Variants in SLIT3 observed in about 807,000 individuals in gnomAD.
The protein encoded by SLIT3 is slit homolog 3 protein.
A neutral mutation model predicts 184.0 loss-of-function variants in SLIT3; 68 were observed. The ratio of observed to expected loss-of-function variants is 0.37; its 90% CI spans 0.30 to 0.45. The LOEUF (loss-of-function observed/expected upper bound fraction) is 0.45, where lower values mean the gene tolerates loss of function less well. Among genes scored for constraint, SLIT3 ranks in the 20% least tolerant of loss-of-function variants. The probability of loss-of-function intolerance (pLI) is 1.00; values close to 1 mark genes in which losing one functional copy is unlikely to be tolerated. For synonymous variants in SLIT3, 831 were observed against 828.6 expected, an observed-to-expected ratio of 1.00 and a Z score of -0.05; for missense variants, 1,707 against 2,026.0, an observed-to-expected ratio of 0.84 and a Z score of 3.02.
At chr5:169,023,789 CA>C (rs1756698782) in intron 4 of SLIT3, 1 of 152,080 alleles carries the variant, frequency 6.6e-6, no homozygotes, top group Admixed American at 6.5e-5. Context: ...GGCACAGGGT[CA>C]GGGGTTGAGT....
At chr5:168,945,104 T>G (rs764251376) in intron 4 of SLIT3, among the ~76,000 whole-genome samples, 1 of 152,180 alleles carries the variant, frequency 6.6e-6, no homozygotes, top group Admixed American at 6.5e-5. Flanking sequence ...GGAAAGGGAA[T>G]GGGACCCTGC....
In SLIT3 at chr5:168,798,220, CTTCTTTT is replaced by C. The variant is rs1433687977; in HGVS notation, c.936-2649_936-2643del. Among the ~76,000 whole-genome samples, 22 of 112,262 alleles carry C rather than the reference CTTCTTTT, an allele frequency of 2.0e-4. 2 individuals are homozygous for C. The highest frequency in any genetic ancestry group is 8.7e-4 in the African/African-American group (21 of 24,098). The allele number at this position is 112,262 out of a possible 152,430, so 73.6% of individuals were successfully genotyped here. On this transcript the variant is annotated intron_variant, in intron 9 of 35. Transcript: ENST00000519560. ...CTTTTGGTTTTCTTTTCTTCTTCTTCTTCTTTTTTTTTTTTTTTTAAGAGACAGAGTC... is the reference window on the plus strand; with the variant it reads ...CTTTTGGTTTTCTTTTCTTCTTCTTCTTTTTTTTTTTTAAGAGACAGAGTC...
chr5:169,148,407 A>G (rs1389395621), intron 4 of SLIT3, among the ~76,000 whole-genome samples: 1 of 152,258 alleles, frequency 6.6e-6, no homozygotes, highest in Non-Finnish European at 1.5e-5. Flanking sequence ...CAGAAAAAAC[A>G]GAATAGCCTG....
intron 23 of SLIT3, among the ~76,000 whole-genome samples, chr5:168,715,754 C>A (rs1161372165): frequency 1.3e-5 from 2 of 152,082 alleles, no homozygotes; most frequent in African/African-American, 2.4e-5. Context: ...CCCACTGCAA[C>A]TTTTGCCTCT....
intron 3 of SLIT3, among the ~76,000 whole-genome samples, chr5:169,201,164 C>T (rs1019952818): frequency 1.3e-5 from 2 of 152,204 alleles, no homozygotes; most frequent in East Asian, 3.8e-4. Context: ...GACATTTAGG[C>T]TGGCTTACAT....
intron 7 of SLIT3, among the ~76,000 whole-genome samples, chr5:168,817,689 A>AT (rs943228816): frequency 2.2e-4 from 33 of 152,186 alleles, no homozygotes; most frequent in African/African-American, 8.0e-4. Context: ...AGCAAAGCTC[A>AT]TTTTTTAATA....
intron 18 of SLIT3, chr5:168,752,351 C>T (rs1337390888): frequency 6.5e-6 from 1 of 153,358 alleles, no homozygotes; most frequent in Non-Finnish European, 1.4e-5. Flanking sequence ...ACTTACCTTC[C>T]AGAATACAGC....
chr5:169,117,398 A>G (rs1428081876), intron 4 of SLIT3, among the ~76,000 whole-genome samples: 1 of 151,966 alleles, frequency 6.6e-6, no homozygotes, highest in Non-Finnish European at 1.5e-5. Context: ...ATTACTGTGC[A>G]TGTTCTCCCC....
intron 4 of SLIT3, among the ~76,000 whole-genome samples, chr5:169,147,315 C>T (rs6868700): frequency 1.4e-3 from 220 of 152,328 alleles, no homozygotes; most frequent in African/African-American, 5.1e-3. Context: ...CTTGCCCAGG[C>T]TGGAGTGCAA....
intron 9 of SLIT3, among the ~76,000 whole-genome samples, chr5:168,805,838 T>G (rs1161161405): frequency 1.3e-5 from 2 of 152,148 alleles, no homozygotes; most frequent in East Asian, 1.9e-4. Context: ...TTTTACAGAG[T>G]ACCTGCCCAT....
chr5:168,877,060 G>C (rs1475780992), intron 5 of SLIT3, among the ~76,000 whole-genome samples: 1 of 152,136 alleles, frequency 6.6e-6, no homozygotes, highest in Non-Finnish European at 1.5e-5. Context: ...GAACCATTTG[G>C]GTACTGGGGA....
In SLIT3 at chr5:169,300,547, C is replaced by A; in HGVS notation, c.163G>T (p.Val55Phe). ...GCGTTGCGGGGGATGCCCCGAGGAA[C>A]CGCGCGGAGGCCCAGCCCGTGGCAG... is the stretch of plus-strand genomic sequence containing the variant. ...VDCHGLGLRA[V>F]PRGIPRNAER... The change falls in exon 1 of 36, where the codon GTT becomes TTT. Residue 55 changes from valine (V) to phenylalanine (F), a missense_variant. Val to Phe is a conservative substitution (Grantham distance 50). Transcript: ENST00000519560. The surrounding 1 kb of genome is among the most constrained non-coding windows in gnomAD (Gnocchi z 4.1). The A allele has an allele frequency of 6.6e-7, 1 of 1,510,222 alleles. No individual in the cohort carries two copies. The highest frequency in any genetic ancestry group is 1.2e-5 in the South Asian group (1 of 81,296). The allele number at this position is 1,510,222 out of a possible 1,614,324, so 93.6% of individuals were successfully genotyped here.
At chr5:168,794,627 TCAC>T (rs1756502272) in intron 10 of SLIT3, among the ~76,000 whole-genome samples, 2 of 152,092 alleles carry the variant, frequency 1.3e-5, no homozygotes, top group African/African-American at 4.8e-5. Flanking sequence ...TAGGGGGTGC[TCAC>T]ATGTTGACCA....
At chr5:168,975,457 C>CCG (rs943408104) in intron 4 of SLIT3, among the ~76,000 whole-genome samples, 1 of 151,630 alleles carries the variant, frequency 6.6e-6, no homozygotes, top group African/African-American at 2.4e-5. Flanking sequence ...ATACAGACAC[C>CCG]CCCCCACACA....
At chr5:169,135,976 C>T (rs557469189) in intron 4 of SLIT3, among the ~76,000 whole-genome samples, 1 of 152,348 alleles carries the variant, frequency 6.6e-6, no homozygotes, top group Non-Finnish European at 1.5e-5. Flanking sequence ...TTCTCTATAT[C>T]ACGGACACGG....
intron 2 of SLIT3, among the ~76,000 whole-genome samples, chr5:169,249,558 A>G (rs1035265653): frequency 6.6e-6 from 1 of 152,230 alleles, no homozygotes; most frequent in African/African-American, 2.4e-5. Context: ...GCATTAGGTG[A>G]AATATAAAAG....
At chr5:169,003,266 C>A (rs1216271550) in intron 4 of SLIT3, among the ~76,000 whole-genome samples, 1 of 152,106 alleles carries the variant, frequency 6.6e-6, no homozygotes, top group Non-Finnish European at 1.5e-5. Flanking sequence ...CTCTTTTGAC[C>A]CATCTGAGGC....
Position 168,785,942 on chromosome 5 carries a change from C to T in SLIT3, c.1116G>A (p.Lys372=). The T allele has an allele frequency of 6.2e-7, 1 of 1,613,056 alleles. No individual in the cohort carries two copies. The highest frequency in any genetic ancestry group is 8.5e-7 in the Non-Finnish European group (1 of 1,179,226). The change falls in exon 12 of 36, where the codon AAG becomes AAA. Residue 372 remains lysine (K), a synonymous_variant. Transcript: ENST00000519560. Reference sequence around the variant, plus strand: ...GGGACACCAGCCCATCAAACAGTCCCTTGACAATCTCGGTGATCTTGTTCC... The same window carrying T: ...GGGACACCAGCCCATCAAACAGTCCTTTGACAATCTCGGTGATCTTGTTCC... ...LYGNKITEIV[K]GLFDGLVSLQ...
chr5:168,994,297 C>T (rs12516142), intron 4 of SLIT3: 1 of 152,206 alleles, frequency 6.6e-6, no homozygotes, highest in East Asian at 1.9e-4. Flanking sequence ...TCAGGGCTTT[C>T]TGGGGTTTAC....
Sources: allele counts gnomAD v4.1 joint callset (sites outside exome capture counted in the v4.1 genomes callset), GRCh38; gene constraint gnomAD v4.1.1; non-coding constraint Gnocchi (gnomAD v3.1); transcripts MANE v1.5; gene names NCBI Gene and HGNC (gene_info 2026-07-23, HGNC 2026-07-21).